The following MAST3 variants were observed in gnomAD, a reference collection of about 807,000 sequenced individuals.
MAST3 encodes the protein microtubule associated serine/threonine kinase 3.
In MAST3, 43 loss-of-function variants were observed where a neutral mutation model predicts 127.0. The ratio of observed to expected loss-of-function variants is 0.34; its 90% CI spans 0.27 to 0.44. The LOEUF is 0.44. MAST3 is among the 20% of genes least tolerant of loss of function. The probability of loss-of-function intolerance (pLI) is 1.00; values close to 1 mark genes in which losing one functional copy is unlikely to be tolerated. For synonymous variants in MAST3, 785 were observed against 809.2 expected, an observed-to-expected ratio of 0.97 and a Z score of 0.51; for missense variants, 1,390 against 1,919.1, an observed-to-expected ratio of 0.72 and a Z score of 5.15.
At chr19:18,116,645 C>CA (rs2039293469) in intron 3 of MAST3, among the ~76,000 whole-genome samples, 1 of 139,432 alleles carries the variant, frequency 7.2e-6, no homozygotes, top group African/African-American at 2.6e-5. Context: ...CAAGGTGGCT[C>CA]ACGCCTGTAA....
chr19:18,099,004 C>A, intron 1 of MAST3: 1 of 280,150 alleles, frequency 3.6e-6, no homozygotes. Flanking sequence ...GGCATTGCAG[C>A]GGGGGGCGGT....
intron 25 of MAST3, among the ~76,000 whole-genome samples, chr19:18,146,229 A>G (rs747614707): frequency 5.9e-5 from 9 of 152,326 alleles, no homozygotes; most frequent in Middle Eastern, 3.4e-3. Context: ...ACCTGAGCTC[A>G]GGACTTTGAG....
chr19:18,114,505 T>C (rs927452086), intron 3 of MAST3, among the ~76,000 whole-genome samples: 4 of 152,200 alleles, frequency 2.6e-5, no homozygotes, highest in Non-Finnish European at 5.9e-5. Flanking sequence ...AGAGATTTAA[T>C]TTCCACATTG....
rs35978734 is a variant in MAST3, at chr19:18,145,655, C to T, written c.3040-88C>T. ...AGACAGCACAAGAGGCAGCAGCTTG[C>T]TGGGGTCCCACAGCAGACCCAGCCT... is the stretch of plus-strand genomic sequence containing the variant. On this transcript the variant is annotated intron_variant, in intron 24 of 27. Coordinates refer to ENST00000687212, the MANE Select transcript of MAST3 (RefSeq NM_001393504.1). This position sits in a 1 kb window ranked among gnomAD's most constrained non-coding sequence, Gnocchi z 5.9. 2.8e-6 allele frequency: 4 copies of T among 1,421,202 alleles called. No individual in the cohort carries two copies. Among genetic ancestry groups the T allele is most frequent in the Non-Finnish European group, 1.9e-6 (2 of 1,075,082 alleles). 88.0% of individuals were successfully genotyped at this position (1,421,202 alleles called of 1,614,324 possible).
rs1280377411 is a variant in MAST3 at position 18,147,478 on chromosome 19, C to G, written c.3362C>G (p.Thr1121Ser). 1 of 1,613,300 alleles carries G rather than the reference C, an allele frequency of 6.2e-7. No individual in the cohort carries two copies. Among genetic ancestry groups the G allele is most frequent in the East Asian group, 2.2e-5 (1 of 44,882 alleles). Residue 1121 changes from threonine (T) to serine (S), a missense_variant, in exon 27 of 28, where the codon ACC becomes AGC. Transcript: ENST00000687212. ...CTTTTCAAGAAGATCTCCAAGCAGA[C>G]CTCCGTGCTGCACACCAGCCGCAGC... ...KSLFKKISKQ[T>S]SVLHTSRSFS...
chr19:18,109,565 GAGA>G, intron 2 of MAST3, among the ~76,000 whole-genome samples: 1 of 85,588 alleles, frequency 1.2e-5, no homozygotes, highest in African/African-American at 4.3e-5. Context: ...GGGCCAGAGT[GAGA>G]CACAGACACC....
At chr19:18,121,368 G>A (rs1447351967) in intron 3 of MAST3, among the ~76,000 whole-genome samples, 1 of 152,154 alleles carries the variant, frequency 6.6e-6, no homozygotes, top group Non-Finnish European at 1.5e-5. Flanking sequence ...TGTTGCCCAG[G>A]CTGGTCTTGA....
At chr19:18,109,543 G>A (rs1050434983) in intron 2 of MAST3, among the ~76,000 whole-genome samples, 11 of 149,152 alleles carry the variant, frequency 7.4e-5, no homozygotes, top group Non-Finnish European at 1.3e-4. Flanking sequence ...TGGGTCCACC[G>A]GGGCCTCAAG....
At chr19:18,100,128 C>CTCTTTTTTTTTTTTTTTTTTTTTTTTT (rs776661078) in intron 1 of MAST3, among the ~76,000 whole-genome samples, 23 of 121,688 alleles carry the variant, frequency 1.9e-4, no homozygotes, top group Middle Eastern at 4.2e-3. Flanking sequence ...CTCTCTCTCT[C>CTCTTTTTTTTTTTTTTTTTTTTTTTTT]TTTTTTTTTT....
At chr19:18,116,090 C>CTTTTTTTTTTTTTTTT (rs3048876) in intron 3 of MAST3, among the ~76,000 whole-genome samples, 1 of 86,374 alleles carries the variant, frequency 1.2e-5, no homozygotes, top group African/African-American at 5.4e-5. Flanking sequence ...TTGAAATTAT[C>CTTTTTTTTTTTTTTTT]TTTTTTTTTT....
rs1205790704 is a variant in MAST3, at chr19:18,146,870, C to T, written c.3163-11C>T. Reference sequence around the variant, plus strand: ...AGGCACAGAGGCAACCCCTCACCATCCCTCCCGCAGAGCGGCAACAAGATA... The same window carrying T: ...AGGCACAGAGGCAACCCCTCACCATTCCTCCCGCAGAGCGGCAACAAGATA... On this transcript the variant is annotated splice_polypyrimidine_tract_variant and intron_variant, in intron 25 of 27. Coordinates refer to ENST00000687212, the MANE Select transcript of MAST3 (RefSeq NM_001393504.1). 14 of 1,543,508 alleles carry T rather than the reference C, an allele frequency of 9.1e-6. No individual in the cohort carries two copies.
intron 15 of MAST3, 98 bp downstream of exon 15, chr19:18,132,145 A>G: frequency 6.7e-7 from 1 of 1,502,348 alleles, no homozygotes; most frequent in Non-Finnish European, 9.0e-7. Flanking sequence ...TCTGAGGTGC[A>G]TCCCGGGACC....
intron 1 of MAST3, among the ~76,000 whole-genome samples, chr19:18,103,921 C>A (rs1017110112): frequency 1.3e-5 from 2 of 151,946 alleles, no homozygotes; most frequent in African/African-American, 4.8e-5. Flanking sequence ...GGTATAAGAT[C>A]CCACAACTGG....
chr19:18,145,132 T>C lies in MAST3; in HGVS notation c.2942T>C (p.Val981Ala). 6.2e-7 allele frequency: 1 copy of C among 1,613,852 alleles called. No homozygotes were observed. The change falls in exon 24 of 28, where the codon GTT becomes GCT. Residue 981 changes from valine (V) to alanine (A), a missense_variant. This residue lies in a region of MAST3 where 816 missense variants were observed against 934.1 expected (regional missense o/e 0.87). Coordinates refer to ENST00000687212, the MANE Select transcript of MAST3 (RefSeq NM_001393504.1). This position sits in a 1 kb window ranked among gnomAD's most constrained non-coding sequence, Gnocchi z 5.9. ...PVCGSLRPPI[V>A]IHSSGKKYGF... The stretch of plus-strand genomic sequence containing the variant: ...TGTGGCAGCCTGCGGCCCCCCATCG[T>C]TATCCACAGCTCTGGCAAGAAGTAC...
chr19:18,104,768 G>A (rs73925415), intron 1 of MAST3, among the ~76,000 whole-genome samples: 2,202 of 152,228 alleles, frequency 0.014, 17 homozygotes, highest in Middle Eastern at 0.041. Flanking sequence ...AACAGCCCCT[G>A]CCCGCGGTTC....
At chr19:18,100,128 C>CTTTTTTTT (rs58879254) in intron 1 of MAST3, among the ~76,000 whole-genome samples, 87 of 121,712 alleles carry the variant, frequency 7.1e-4, no homozygotes, top group African/African-American at 2.3e-3. Context: ...CTCTCTCTCT[C>CTTTTTTTT]TTTTTTTTTT....
intron 2 of MAST3, 56 bp downstream of exon 2, chr19:18,107,674 T>A (rs372230475): frequency 1.7e-5 from 26 of 1,508,436 alleles, no homozygotes; most frequent in Non-Finnish European, 1.9e-5. Flanking sequence ...TGGAAGTGGA[T>A]ATTTCAGCAA....
chr19:18,103,679 A>G (rs1236726928), intron 1 of MAST3, among the ~76,000 whole-genome samples: 1 of 152,118 alleles, frequency 6.6e-6, no homozygotes, highest in Admixed American at 6.6e-5. Flanking sequence ...TGAGCTTGCT[A>G]CTCATTGATT....
chr19:18,107,171 C>T (rs1464617908), intron 1 of MAST3, among the ~76,000 whole-genome samples: 1 of 151,596 alleles, frequency 6.6e-6, no homozygotes. Flanking sequence ...GCTATGTTGC[C>T]CAATCTGGCT....
Sources: allele counts gnomAD v4.1 joint callset (sites outside exome capture counted in the v4.1 genomes callset), GRCh38; gene constraint gnomAD v4.1.1; regional missense constraint gnomAD v4.1.1; non-coding constraint Gnocchi (gnomAD v3.1); transcripts MANE v1.5; gene names NCBI Gene and HGNC (gene_info 2026-07-23, HGNC 2026-07-21).